CYP26C1: variants seen among roughly 807,000 people sequenced by gnomAD.
CYP26C1 encodes the protein cytochrome P450 family 26 subfamily C member 1, also known as cytochrome P450 26C1.
In CYP26C1, 41 loss-of-function variants were observed where a neutral mutation model predicts 39.1. The ratio of observed to expected loss-of-function variants is 1.05; its 90% CI spans 0.82 to 1.36. The LOEUF (loss-of-function observed/expected upper bound fraction) is 1.36. Ranked by LOEUF, CYP26C1 falls within the 40% of genes most tolerant of loss-of-function variation. CYP26C1 has a pLI of 0.00. For synonymous variants in CYP26C1, 362 were observed against 350.8 expected (o/e 1.03, Z -0.36); for missense variants, 833 against 752.0 (o/e 1.11, Z -1.26).
At position 93,066,160 on chromosome 10, in the gene CYP26C1, C is replaced by A; in HGVS notation, c.1066C>A (p.Pro356Thr). Residue 356 changes from proline (P) to threonine (T), a missense_variant, in exon 5 of 6, where the codon CCC becomes ACC. Coordinates refer to ENST00000651965, the MANE Select transcript of CYP26C1 (RefSeq NM_183374.3). Reference protein sequence around the residue: ...EGPPPDCGCEPDLSLAALGRL... With the variant: ...EGPPPDCGCETDLSLAALGRL... Reference sequence around the variant, plus strand: ...GCCCCCGCCCGACTGCGGCTGCGAGCCCGACCTCAGCCTCGCGGCGCTGGG... The same window carrying A: ...GCCCCCGCCCGACTGCGGCTGCGAGACCGACCTCAGCCTCGCGGCGCTGGG... The A allele has an allele frequency of 7.1e-7, 1 of 1,415,750 alleles. No homozygotes were observed. The highest frequency in any genetic ancestry group is 9.2e-7 in the Non-Finnish European group (1 of 1,084,582). 87.7% of individuals were successfully genotyped at this position (1,415,750 alleles called of 1,614,324 possible).
In CYP26C1 at chr10:93,068,798, C is replaced by T. The variant is rs145663778; in HGVS notation, c.*101C>T. On this transcript the variant is annotated 3_prime_UTR_variant, in exon 6 of 6. Transcript: ENST00000651965. ...TTGTAGCGTCGCGCGCCCACTCTTT[C>T]ACTCGTTCAACAATCTTTCAACAAA... The T allele has an allele frequency of 3.0e-3, 4,312 of 1,415,092 alleles. 120 individuals carry two copies. The African/African-American group carries it at 0.058, about 19-fold the overall frequency. The allele number at this position is 1,415,092 out of a possible 1,614,324, so 87.7% of individuals were successfully genotyped here. A position where few individuals can be genotyped will look rare whatever the true frequency, so the allele number is the denominator to read the frequency against.
chr10:93,062,997 T>G lies in CYP26C1; in HGVS notation c.705+2T>G. On this transcript the variant is annotated splice_donor_variant, in intron 3 of 5. Coordinates refer to ENST00000651965, the MANE Select transcript of CYP26C1 (RefSeq NM_183374.3). LOFTEE classifies it high-confidence loss of function. ...GTTCCCTTCAGTGGCCTACGCAAGG[T>G]ACGGCCGCCCCGGCTCCAGACCTTC... 6.4e-7 allele frequency: 1 copy of G among 1,555,580 alleles called. No homozygotes were observed. The highest frequency in any genetic ancestry group is 8.7e-7 in the Non-Finnish European group (1 of 1,151,922).
chr10:93,064,620 T>A, intron 4 of CYP26C1, 84 bp downstream of exon 4: 1 of 1,525,480 alleles, frequency 6.6e-7, no homozygotes, highest in South Asian at 1.3e-5. Flanking sequence ...CAGAGCCACA[T>A]CTTGTGTGGC....
At chr10:93,066,630 G>C (rs1042227357) in intron 5 of CYP26C1, among the ~76,000 whole-genome samples, 1 of 152,178 alleles carries the variant, frequency 6.6e-6, no homozygotes, top group South Asian at 2.1e-4. Context: ...CCCCCTCCCA[G>C]CCAGTGAGTG....
At position 93,061,396 on chromosome 10, in the gene CYP26C1, T is replaced by C. The variant is rs1564950783; in HGVS notation, c.133T>C (p.Ser45Pro). 5.1e-6 allele frequency: 8 copies of C among 1,561,948 alleles called. No individual in the cohort carries two copies. The highest frequency in any genetic ancestry group is 6.9e-6 in the Non-Finnish European group (8 of 1,153,246). The stretch of plus-strand genomic sequence containing the variant: ...CTGGATGCTGAGCCGGGACCGGGCC[T>C]CCACCCTGCCTCTGCCCAAGGGCTC... The part of the protein sequence containing the change: ...LRWMLSRDRA[S>P]TLPLPKGSMG... The change falls in exon 1 of 6, where the codon TCC becomes CCC. Residue 45 changes from serine to proline, a missense_variant. Physicochemically the swap from Ser to Pro is moderately conservative, Grantham distance 74. Transcript: ENST00000651965.
At chr10:93,064,746 C>T in intron 4 of CYP26C1, 2 of 1,293,198 alleles carry the variant, frequency 1.5e-6, no homozygotes, top group Non-Finnish European at 2.0e-6. Flanking sequence ...CCAGCCTTGT[C>T]AGTAGGAGAA....
chr10:93,065,842 C>T (rs1846817354), intron 4 of CYP26C1, 114 bp from the exon 5 acceptor site: 1 of 1,055,064 alleles, frequency 9.5e-7, no homozygotes, highest in Non-Finnish European at 1.3e-6. Context: ...TCCCTGCCCC[C>T]TGGCTTTTCG....
In CYP26C1 at chr10:93,068,477, TC is replaced by T; in HGVS notation, c.1352del (p.Pro451ArgfsTer22). 6.2e-7 allele frequency: 1 copy of T among 1,610,680 alleles called. No individual in the cohort carries two copies. Among genetic ancestry groups the T allele is most frequent in the Non-Finnish European group, 8.5e-7 (1 of 1,178,864 alleles). ...SRGASSRFHYIPFGGGARSCL... is the reference protein window; with the variant it reads ...SRGASSRFHYXPFGGGARSCL... ...GGCGCCTCCAGCCGCTTCCATTACA[TC>T]CCGTTCGGCGGCGGTGCGCGCAGCT... On this transcript the variant is annotated frameshift_variant, in exon 6 of 6. Coordinates refer to ENST00000651965, the MANE Select transcript of CYP26C1 (RefSeq NM_183374.3). LOFTEE classifies it high-confidence loss of function.
intron 5 of CYP26C1, among the ~76,000 whole-genome samples, chr10:93,067,225 C>A (rs1225805106): frequency 6.6e-6 from 1 of 152,226 alleles, no homozygotes; most frequent in Non-Finnish European, 1.5e-5. Flanking sequence ...CCTCATCCCA[C>A]TTGTAGTGTG....
At chr10:93,063,107 G>A in intron 3 of CYP26C1, 112 bp downstream of exon 3, 1 of 1,448,964 alleles carries the variant, frequency 6.9e-7, no homozygotes, top group South Asian at 1.5e-5. Context: ...ACCTCTGCTG[G>A]GAACGGCGGC....
chr10:93,062,350 G>C (rs889374783), intron 2 of CYP26C1, 116 bp downstream of exon 2: 5 of 1,107,534 alleles, frequency 4.5e-6, no homozygotes, highest in South Asian at 1.6e-5. Flanking sequence ...CAAGGTCCCT[G>C]GTAACTAGCG....
At position 93,061,423 on chromosome 10, in the gene CYP26C1, A is replaced by C. The variant is rs1451546297; in HGVS notation, c.160A>C (p.Met54Leu). 1 of 1,557,242 alleles carries C rather than the reference A, an allele frequency of 6.4e-7. No individual in the cohort carries two copies. Among genetic ancestry groups the C allele is most frequent in the Admixed American group, 1.9e-5 (1 of 51,820 alleles). ...ASTLPLPKGS[M>L]GWPFFGETLH... ...CACCCTGCCTCTGCCCAAGGGCTCCATGGGGTGGCCCTTCTTCGGCGAAAC... is the reference window on the plus strand; with the variant it reads ...CACCCTGCCTCTGCCCAAGGGCTCCCTGGGGTGGCCCTTCTTCGGCGAAAC... The change falls in exon 1 of 6, where the codon ATG becomes CTG. Residue 54 changes from methionine (M) to leucine (L), a missense_variant. Transcript: ENST00000651965.
In CYP26C1 at chr10:93,061,458, G is replaced by T; in HGVS notation, c.195G>T (p.Trp65Cys). Residue 65 changes from tryptophan to cysteine, a missense_variant, in exon 1 of 6, where the codon TGG becomes TGT. Coordinates refer to ENST00000651965, the MANE Select transcript of CYP26C1 (RefSeq NM_183374.3). ...GWPFFGETLHWLVQGSRFHSS... is the reference protein window; with the variant it reads ...GWPFFGETLHCLVQGSRFHSS... ...CCTTCTTCGGCGAAACGCTGCACTG[G>T]TTAGTTCAGGTGAGCAGTCCTTCGA... 2 of 1,550,716 alleles carry T rather than the reference G, an allele frequency of 1.3e-6. No individual in the cohort carries two copies. The highest frequency in any genetic ancestry group is 8.7e-7 in the Non-Finnish European group (1 of 1,147,684).
chr10:93,064,127 C>T (rs1816213049), intron 3 of CYP26C1: 2 of 1,234,376 alleles, frequency 1.6e-6, no homozygotes, highest in African/African-American at 3.1e-5. Flanking sequence ...AGCATCCTCT[C>T]CTCAGGATGA....
Position 93,068,984 on chromosome 10 carries a change from T to C in CYP26C1, c.*287T>C. ...GCCAAGCAGGAATGGAGGGAATAGA[T>C]AGATCCCCACGAGGTGCTGCTTGGC... On this transcript the variant is annotated 3_prime_UTR_variant, in exon 6 of 6. Transcript: ENST00000651965. 2.6e-6 allele frequency: 1 copy of C among 380,164 alleles called. No homozygotes were observed. The highest frequency in any genetic ancestry group is 4.6e-6 in the Non-Finnish European group (1 of 219,040). The allele number at this position is 380,164 out of a possible 1,614,324, so 23.5% of individuals were successfully genotyped here. A position where few individuals can be genotyped will look rare whatever the true frequency, so the allele number is the denominator to read the frequency against.
rs369680321 is a variant in CYP26C1 at position 93,064,420 on chromosome 10, G to A, written c.745G>A (p.Gly249Arg). 5.0e-5 allele frequency: 80 copies of A among 1,614,018 alleles called. No individual in the cohort carries two copies. The highest frequency in any genetic ancestry group is 6.2e-5 in the Non-Finnish European group (73 of 1,180,024). The change falls in exon 4 of 6, where the codon GGG (glycine) becomes AGG (arginine). Residue 249 changes from glycine (G) to arginine (R), a missense_variant. By Grantham distance (125) the Gly-to-Arg change is moderately radical (BLOSUM62 -2). Coordinates refer to ENST00000651965, the MANE Select transcript of CYP26C1 (RefSeq NM_183374.3). ...ARDQLHRHLE[G>R]AISEKLHEDK... Reference sequence around the variant, plus strand: ...GGACCAGCTGCATCGGCACCTGGAGGGGGCCATTTCTGAGAAGCTTCACGA... The same window carrying A: ...GGACCAGCTGCATCGGCACCTGGAGAGGGCCATTTCTGAGAAGCTTCACGA...
rs184623399 is a variant in CYP26C1, at chr10:93,066,722, T to A, written c.1191+437T>A. ...CCTCACAAGATGAAGGAACCCCTCA[T>A]TGCGACCGGTCCAGGGTTCTGGCTG... On this transcript the variant is annotated intron_variant, in intron 5 of 5. Coordinates refer to ENST00000651965, the MANE Select transcript of CYP26C1 (RefSeq NM_183374.3). Among the ~76,000 whole-genome samples the A allele has an allele frequency of 2.0e-5, 3 of 152,272 alleles. No individual in the cohort carries two copies. The East Asian group carries it at 5.8e-4, about 29-fold the overall frequency.
intron 5 of CYP26C1, 60 bp downstream of exon 5, chr10:93,066,345 G>A: frequency 1.6e-6 from 2 of 1,240,832 alleles, no homozygotes; most frequent in Non-Finnish European, 2.0e-6. Context: ...GCCGCCTGCC[G>A]CCTGCCGCCT....
rs1307539868 is a variant in CYP26C1 at position 93,061,107 on chromosome 10, C to T, written c.-157C>T. 1 of 741,966 alleles carries T rather than the reference C, an allele frequency of 1.3e-6. No individual in the cohort carries two copies. Among genetic ancestry groups the T allele is most frequent in the South Asian group, 1.8e-5 (1 of 54,436 alleles). 46.0% of individuals were successfully genotyped at this position (741,966 alleles called of 1,614,324 possible). A position where few individuals can be genotyped will look rare whatever the true frequency, so the allele number is the denominator to read the frequency against. ...TTTCACCGTCCGTCTGTTTTTAGAA[C>T]AGAGTTCTGGCCTGAGCTTATAAAT... is the stretch of plus-strand genomic sequence containing the variant. On this transcript the variant is annotated 5_prime_UTR_variant, in exon 1 of 6. Transcript: ENST00000651965.
Sources: gnomAD v4.1 joint callset for allele counts (sites outside exome capture counted in the v4.1 genomes callset) on GRCh38, gnomAD v4.1.1 for gene constraint, MANE v1.5 for transcripts, NCBI Gene and HGNC (gene_info 2026-07-23, HGNC 2026-07-21) for gene names.